The following FAM3C variants were observed in gnomAD, a reference collection of about 807,000 sequenced individuals.
FAM3C encodes the protein protein FAM3C.
A neutral mutation model predicts 32.5 loss-of-function variants in FAM3C; 15 were observed. The observed-to-expected ratio is 0.46, with a 90% CI of 0.31 to 0.71. The LOEUF is 0.71. Among genes scored for constraint, FAM3C ranks in the 30% least tolerant of loss-of-function variants. FAM3C has a pLI of 0.05. For synonymous variants in FAM3C, 75 were observed against 86.1 expected (o/e 0.87, Z 0.72); for missense variants, 175 against 274.4 (o/e 0.64, Z 2.56).
intron 2 of FAM3C, among the ~76,000 whole-genome samples, chr7:121,382,597 C>G (rs566115112): frequency 5.1e-4 from 74 of 144,218 alleles, no homozygotes; most frequent in African/African-American, 1.9e-3. Context: ...ATCATACTTA[C>G]CAGCTGAACT....
intron 7 of FAM3C, among the ~76,000 whole-genome samples, chr7:121,362,206 G>A (rs940323305): frequency 2.0e-5 from 3 of 152,220 alleles, no homozygotes; most frequent in Admixed American, 6.5e-5. Flanking sequence ...CCATTCTTCC[G>A]GGCAGCGTTC....
intron 7 of FAM3C, 125 bp downstream of exon 7, chr7:121,362,772 A>C (rs1793950770): frequency 4.6e-6 from 3 of 658,950 alleles, no homozygotes; most frequent in Non-Finnish European, 8.1e-6. Flanking sequence ...TAGTGAACAG[A>C]AAGTAAGGGA....
chr7:121,387,826 T>C (rs904582135), intron 1 of FAM3C, among the ~76,000 whole-genome samples: 2 of 152,120 alleles, frequency 1.3e-5, no homozygotes, highest in African/African-American at 4.8e-5. Flanking sequence ...GAAGTAAATG[T>C]GCATCTAATG....
intron 1 of FAM3C, among the ~76,000 whole-genome samples, chr7:121,394,779 G>A (rs746948043): frequency 6.6e-6 from 1 of 152,176 alleles, no homozygotes; most frequent in Non-Finnish European, 1.5e-5. Flanking sequence ...GGTACAGGTC[G>A]ATGAAGTGAC....
intron 9 of FAM3C, 114 bp from the exon 10 acceptor site, chr7:121,350,664 T>C: frequency 9.2e-7 from 1 of 1,081,250 alleles, no homozygotes; most frequent in East Asian, 2.4e-5. Flanking sequence ...AATAAGTTCA[T>C]TTAAATTACT....
rs529988417 is a variant in FAM3C at position 121,361,634 on chromosome 7, T to C, written c.382+1263A>G. 3.9e-5 allele frequency among the ~76,000 whole-genome samples: 6 copies of C among 152,360 alleles called. No individual in the cohort carries two copies. The East Asian group carries it at 9.6e-4, about 25-fold the overall frequency. ...TAAGTTTATACAGCTTTGACAGCTA[T>C]GCAATGTTGTCCTAACATTATTTAA... is the stretch of plus-strand genomic sequence containing the variant. On this transcript the variant is annotated intron_variant, in intron 7 of 9. Coordinates refer to ENST00000359943, the MANE Select transcript of FAM3C (RefSeq NM_014888.3).
chr7:121,396,036 C>G (rs1388442728), intron 1 of FAM3C, 126 bp downstream of exon 1: 2 of 151,734 alleles, frequency 1.3e-5, no homozygotes, highest in African/African-American at 4.8e-5. Flanking sequence ...GGGCCCGGGG[C>G]CCGCCCCCGG....
At chr7:121,364,275 G>A (rs1793981680) in intron 5 of FAM3C, 87 bp from the exon 6 acceptor site, 2 of 851,064 alleles carry the variant, frequency 2.3e-6, no homozygotes, top group South Asian at 3.1e-5. Context: ...AAAAAGTTAG[G>A]AATATTATAC....
At chr7:121,358,431 A>C (rs757362666) in intron 8 of FAM3C, among the ~76,000 whole-genome samples, 8 of 152,088 alleles carry the variant, frequency 5.3e-5, no homozygotes, top group Non-Finnish European at 1.0e-4. Flanking sequence ...ATCTGAAGAA[A>C]AGTCAGAGAA....
intron 8 of FAM3C, among the ~76,000 whole-genome samples, chr7:121,357,553 T>C (rs1207583128): frequency 1.3e-5 from 2 of 152,160 alleles, no homozygotes; most frequent in South Asian, 2.1e-4. Flanking sequence ...ATGTTGTCCA[T>C]TTCAGTATAA....
At chr7:121,365,273 A>G (rs1285087782) in intron 5 of FAM3C, among the ~76,000 whole-genome samples, 2 of 152,168 alleles carry the variant, frequency 1.3e-5, no homozygotes, top group Non-Finnish European at 1.5e-5. Context: ...ATCTATGTTA[A>G]TAAGATAAAA....
At chr7:121,391,838 C>G (rs1253920640) in intron 1 of FAM3C, among the ~76,000 whole-genome samples, 1 of 152,196 alleles carries the variant, frequency 6.6e-6, no homozygotes, top group African/African-American at 2.4e-5. Context: ...GCAGACAAAA[C>G]CAATTAGGCC....
chr7:121,353,994 G>C (rs1289425416), intron 8 of FAM3C, among the ~76,000 whole-genome samples: 2 of 152,176 alleles, frequency 1.3e-5, no homozygotes, highest in African/African-American at 4.8e-5. Flanking sequence ...ATAACAAGAT[G>C]ACTTTGTCAA....
At position 121,362,961 on chromosome 7, in the gene FAM3C, A is replaced by G. The variant is rs780615927; in HGVS notation, c.332-14T>C. ...CTCCTGTTTTTCCTAAAAGAGATTA[A>G]ATTCATATCAAATTATGCATCTGAA... On this transcript the variant is annotated splice_polypyrimidine_tract_variant and intron_variant, in intron 6 of 9. Transcript: ENST00000359943. 1.6e-6 allele frequency: 2 copies of G among 1,270,150 alleles called. No homozygotes were observed. The highest frequency in any genetic ancestry group is 2.3e-6 in the Non-Finnish European group (2 of 876,206). 78.7% of individuals were successfully genotyped at this position (1,270,150 alleles called of 1,614,324 possible).
chr7:121,391,061 A>T (rs1200267769), intron 1 of FAM3C, among the ~76,000 whole-genome samples: 2 of 152,154 alleles, frequency 1.3e-5, no homozygotes, highest in Non-Finnish European at 2.9e-5. Context: ...GTTAAACCAG[A>T]GTACTAGATT....
intron 3 of FAM3C, among the ~76,000 whole-genome samples, chr7:121,374,759 G>A (rs2536153): frequency 0.25 from 38,699 of 152,072 alleles, 5,875 homozygotes; most frequent in African/African-American, 0.43. Context: ...CCCTCATAAT[G>A]TCTAAATCAA....
intron 3 of FAM3C, among the ~76,000 whole-genome samples, chr7:121,372,979 A>T (rs759147861): frequency 6.6e-6 from 1 of 152,210 alleles, no homozygotes; most frequent in African/African-American, 2.4e-5. Flanking sequence ...AAAAGAGGAA[A>T]ATGACCAAGT....
intron 8 of FAM3C, among the ~76,000 whole-genome samples, chr7:121,355,076 T>C (rs1330205226): frequency 2.6e-5 from 4 of 152,190 alleles, no homozygotes; most frequent in African/African-American, 4.8e-5. Context: ...AAACAGCTTT[T>C]GCTACTAAGT....
chr7:121,395,268 TG>T (rs1794663081), intron 1 of FAM3C, among the ~76,000 whole-genome samples: 1 of 139,662 alleles, frequency 7.2e-6, no homozygotes, highest in African/African-American at 3.3e-5. Flanking sequence ...TACATATATA[TG>T]GATACATACA....
Sources: gnomAD v4.1 joint callset for allele counts (sites outside exome capture counted in the v4.1 genomes callset) on GRCh38, gnomAD v4.1.1 for gene constraint, MANE v1.5 for transcripts, NCBI Gene and HGNC (gene_info 2026-07-23, HGNC 2026-07-21) for gene names.